ZNF804B: variants seen among roughly 807,000 people sequenced by gnomAD.
The protein encoded by ZNF804B is zinc finger protein 804B, also known as zinc finger 804B.
A neutral mutation model predicts 101.4 loss-of-function variants in ZNF804B; 80 were observed. The ratio of observed to expected loss-of-function variants is 0.79; its 90% CI spans 0.66 to 0.95. The LOEUF (loss-of-function observed/expected upper bound fraction) is 0.95. Among genes scored for constraint, ZNF804B ranks in the 40% least tolerant of loss-of-function variants. ZNF804B has a pLI of 0.00. For missense variants in ZNF804B, 1,673 were observed against 1,561.9 expected, an observed-to-expected ratio of 1.07 and a Z score of -1.20; for synonymous variants, 622 against 558.8, an observed-to-expected ratio of 1.11 and a Z score of -1.59.
chr7:89,334,111 G>T lies in ZNF804B; in HGVS notation c.1129G>T (p.Asp377Tyr), dbSNP rs569439110. Residue 377 changes from aspartate to tyrosine, a missense_variant, in exon 4 of 4, where the codon GAT becomes TAT. Asp to Tyr is a radical substitution (Grantham distance 160, BLOSUM62 -3). Coordinates refer to ENST00000333190, the MANE Select transcript of ZNF804B (RefSeq NM_181646.5). ...CCCACCAAACATTTACAACCATAGT[G>T]ATGCCAGGATATCTGAATGCCTGGA... ...FSPPNIYNHSDARISECLDEF... is the reference protein window; with the variant it reads ...FSPPNIYNHSYARISECLDEF... 66 of 1,613,708 alleles carry T rather than the reference G, an allele frequency of 4.1e-5. 1 individual carries two copies. In the South Asian group the frequency reaches 6.5e-4, roughly 16 times the overall value.
Position 89,334,183 on chromosome 7 carries a change from C to T in ZNF804B, c.1201C>T (p.Leu401=). The part of the protein sequence containing the change: ...EPSEQKSTVH[L]NPNSRIENRE... ...AAGTGAACAAAAGAGTACAGTGCATCTGAATCCAAATTCCAGAATAGAGAA... is the reference window on the plus strand; with the variant it reads ...AAGTGAACAAAAGAGTACAGTGCATTTGAATCCAAATTCCAGAATAGAGAA... Residue 401 remains leucine, a synonymous_variant, in exon 4 of 4, where the codon CTG becomes TTG. Coordinates refer to ENST00000333190, the MANE Select transcript of ZNF804B (RefSeq NM_181646.5). 4 of 1,613,444 alleles carry T rather than the reference C, an allele frequency of 2.5e-6. No homozygotes were observed. The highest frequency in any genetic ancestry group is 3.4e-6 in the Non-Finnish European group (4 of 1,179,806).
chr7:89,007,566 TA>T (rs551590583), intron 1 of ZNF804B, among the ~76,000 whole-genome samples: 3,022 of 33,730 alleles, frequency 0.09, 159 homozygotes, highest in African/African-American at 0.19. Flanking sequence ...TTATCTATTA[TA>T]ATTATATATA....
chr7:88,993,977 T>C (rs943181334), intron 1 of ZNF804B, among the ~76,000 whole-genome samples: 2 of 152,008 alleles, frequency 1.3e-5, no homozygotes, highest in Non-Finnish European at 2.9e-5. Context: ...TCAGTTTTGA[T>C]CATATATGTA....
At chr7:88,801,363 G>A (rs1172521261) in intron 1 of ZNF804B, among the ~76,000 whole-genome samples, 1 of 151,946 alleles carries the variant, frequency 6.6e-6, no homozygotes, top group Admixed American at 6.6e-5. Context: ...ACGCTCAGAA[G>A]TTTGAATTTT....
In ZNF804B at chr7:88,876,302, C is replaced by G. The variant is rs534251048; in HGVS notation, c.108+116218C>G. ...GTGACTCTTTCCTATCACATTAGAT[C>G]TAACTTGCTCTTTTTGAATTCTCTA... On this transcript the variant is annotated intron_variant, in intron 1 of 3. Coordinates refer to ENST00000333190, the MANE Select transcript of ZNF804B (RefSeq NM_181646.5). Among the ~76,000 whole-genome samples, 94 of 152,244 alleles carry G rather than the reference C, an allele frequency of 6.2e-4. No individual in the cohort carries two copies. In the South Asian group the frequency reaches 0.019, roughly 31 times the overall value.
At chr7:89,318,419 C>A (rs943018711) in intron 2 of ZNF804B, among the ~76,000 whole-genome samples, 1 of 152,112 alleles carries the variant, frequency 6.6e-6, no homozygotes, top group Non-Finnish European at 1.5e-5. Context: ...TACCTTTTTA[C>A]TGGAATAGTA....
intron 1 of ZNF804B, among the ~76,000 whole-genome samples, chr7:88,916,896 T>C (rs1477105294): frequency 1.3e-5 from 2 of 152,152 alleles, no homozygotes; most frequent in Non-Finnish European, 2.9e-5. Context: ...TTTAGTGTTT[T>C]TAATGAAAGA....
Position 88,891,526 on chromosome 7 carries a change from A to G in ZNF804B, c.108+131442A>G, listed in dbSNP as rs573584366. On this transcript the variant is annotated intron_variant, in intron 1 of 3. Transcript: ENST00000333190. ...CAATCTGATAATCTCTTTAACTTGA[A>G]GTATTTATTGCCTTTACCTCGTTTG... Among the ~76,000 whole-genome samples, 6 of 152,194 alleles carry G rather than the reference A, an allele frequency of 3.9e-5. No homozygotes were observed. In the South Asian group the frequency reaches 1.2e-3, roughly 32 times the overall value.
At chr7:88,795,073 C>A in intron 1 of ZNF804B, 2 of 777,708 alleles carry the variant, frequency 2.6e-6, no homozygotes, top group South Asian at 2.9e-5. Context: ...GAGTAAATCA[C>A]GGTTTGTCAA....
chr7:88,931,938 T>G (rs1180033735), intron 1 of ZNF804B, among the ~76,000 whole-genome samples: 1 of 151,580 alleles, frequency 6.6e-6, no homozygotes, highest in East Asian at 1.9e-4. Flanking sequence ...GAAGCAAAAG[T>G]GTATATAGGA....
intron 1 of ZNF804B, among the ~76,000 whole-genome samples, chr7:89,096,171 A>G (rs974598212): frequency 1.4e-5 from 2 of 141,962 alleles, no homozygotes; most frequent in African/African-American, 5.3e-5. Flanking sequence ...AAAAAAAAAA[A>G]GAAAATCAGT....
At chr7:89,281,737 G>A (rs1211878922) in intron 2 of ZNF804B, among the ~76,000 whole-genome samples, 1 of 152,096 alleles carries the variant, frequency 6.6e-6, no homozygotes, top group East Asian at 1.9e-4. Context: ...GTAGTGGTTG[G>A]ATCATTGTCT....
intron 1 of ZNF804B, among the ~76,000 whole-genome samples, chr7:89,099,542 G>T (rs558208783): frequency 6.6e-6 from 1 of 152,108 alleles, no homozygotes; most frequent in African/African-American, 2.4e-5. Context: ...AGAGGAGTTC[G>T]CAGTTCAGGT....
At chr7:89,040,576 A>G (rs1334957832) in intron 1 of ZNF804B, among the ~76,000 whole-genome samples, 1 of 152,158 alleles carries the variant, frequency 6.6e-6, no homozygotes, top group Non-Finnish European at 1.5e-5. Flanking sequence ...CTTCTTTAAG[A>G]CAATTTTGAA....
At chr7:88,839,704 T>A (rs1780763901) in intron 1 of ZNF804B, among the ~76,000 whole-genome samples, 1 of 152,096 alleles carries the variant, frequency 6.6e-6, no homozygotes, top group Admixed American at 6.6e-5. Context: ...GAAGATTGAA[T>A]CCTTAACCAG....
At chr7:89,226,315 T>C (rs927015536) in intron 2 of ZNF804B, among the ~76,000 whole-genome samples, 35 of 152,076 alleles carry the variant, frequency 2.3e-4, no homozygotes, top group Non-Finnish European at 4.1e-4. Flanking sequence ...TATAAGGATA[T>C]TTAAACTAGA....
At chr7:88,802,397 T>C (rs2115714127) in intron 1 of ZNF804B, among the ~76,000 whole-genome samples, 1 of 152,170 alleles carries the variant, frequency 6.6e-6, no homozygotes, top group East Asian at 1.9e-4. Flanking sequence ...CATTTTTGTT[T>C]TTGTTAAAAT....
intron 1 of ZNF804B, among the ~76,000 whole-genome samples, chr7:88,923,148 T>C (rs1005712674): frequency 1.3e-5 from 2 of 152,044 alleles, no homozygotes; most frequent in South Asian, 2.1e-4. Flanking sequence ...TGGTATGGCA[T>C]TGTGTGTGAC....
chr7:88,873,293 C>T lies in ZNF804B; in HGVS notation c.108+113209C>T, dbSNP rs1791868434. 2.0e-5 allele frequency among the ~76,000 whole-genome samples: 3 copies of T among 152,266 alleles called. No homozygotes were observed. In the South Asian group the frequency reaches 6.2e-4, roughly 32 times the overall value. On this transcript the variant is annotated intron_variant, in intron 1 of 3. Transcript: ENST00000333190. ...ATTTTGAGAAGTGTCTGTTCATGTC[C>T]TTTGCACACTTTTTGATGGGGTTGT...
Sources: gnomAD v4.1 joint callset for allele counts (sites outside exome capture counted in the v4.1 genomes callset) on GRCh38, gnomAD v4.1.1 for gene constraint, MANE v1.5 for transcripts, NCBI Gene and HGNC (gene_info 2026-07-23, HGNC 2026-07-21) for gene names.